The following SKAP1 variants were observed in gnomAD, a reference collection of about 807,000 sequenced individuals.
SKAP1 encodes the protein src kinase associated phosphoprotein 1, also known as src kinase-associated phosphoprotein 1.
SKAP1 carries 44 observed loss-of-function variants against 58.5 expected under a neutral mutation model. That is an observed-to-expected ratio of 0.75 (90% CI 0.59 to 0.97). The LOEUF (loss-of-function observed/expected upper bound fraction) is 0.97. Ranked by LOEUF, SKAP1 falls within the 50% of genes least tolerant of loss-of-function variation. SKAP1 has a pLI of 0.00. For synonymous variants in SKAP1, 127 were observed against 149.7 expected (o/e 0.85, Z 1.11); for missense variants, 390 against 435.2 (o/e 0.90, Z 0.92).
At chr17:48,276,556 T>C (rs116571948) in intron 4 of SKAP1, among the ~76,000 whole-genome samples, 67 of 152,342 alleles carry the variant, frequency 4.4e-4, no homozygotes, top group African/African-American at 1.5e-3. Context: ...GTGATGCTGC[T>C]ATAATGATGA....
intron 1 of SKAP1, among the ~76,000 whole-genome samples, chr17:48,398,982 C>T (rs888947417): frequency 1.3e-5 from 2 of 152,152 alleles, no homozygotes; most frequent in Non-Finnish European, 2.9e-5. Flanking sequence ...GATTGCATCA[C>T]TGCACTACAG....
chr17:48,209,270 A>T (rs946705930), intron 4 of SKAP1, among the ~76,000 whole-genome samples: 2 of 152,296 alleles, frequency 1.3e-5, no homozygotes, highest in South Asian at 4.1e-4. Flanking sequence ...TTATACATTT[A>T]TGTGGGGCTT....
At chr17:48,415,200 G>T (rs1016647465) in intron 1 of SKAP1, among the ~76,000 whole-genome samples, 3 of 152,090 alleles carry the variant, frequency 2.0e-5, no homozygotes, top group African/African-American at 7.2e-5. Context: ...TTTCGTAAAA[G>T]TATTTGAACT....
At chr17:48,139,114 C>T (rs369402741) in intron 11 of SKAP1, among the ~76,000 whole-genome samples, 41 of 150,598 alleles carry the variant, frequency 2.7e-4, no homozygotes, top group East Asian at 2.2e-3. Flanking sequence ...TTCCCGACTT[C>T]GTGATCTGCT....
intron 3 of SKAP1, among the ~76,000 whole-genome samples, chr17:48,353,853 G>A (rs1487859653): frequency 6.7e-5 from 10 of 148,698 alleles, no homozygotes; most frequent in Non-Finnish European, 1.2e-4. Context: ...AGCCGAGATC[G>A]CGCCATTGCA....
chr17:48,322,485 T>C (rs1206549224), intron 4 of SKAP1, among the ~76,000 whole-genome samples: 1 of 152,150 alleles, frequency 6.6e-6, no homozygotes, highest in Admixed American at 6.5e-5. Context: ...TGGATATTTA[T>C]GTTCTTCTAG....
At chr17:48,344,556 T>A (rs1035160578) in intron 4 of SKAP1, among the ~76,000 whole-genome samples, 18 of 152,224 alleles carry the variant, frequency 1.2e-4, no homozygotes, top group Non-Finnish European at 2.6e-4. Context: ...ATTAGAATAA[T>A]CAAAAACAAA....
intron 4 of SKAP1, among the ~76,000 whole-genome samples, chr17:48,222,899 A>G (rs1424745855): frequency 1.3e-5 from 2 of 150,760 alleles, no homozygotes; most frequent in African/African-American, 4.9e-5. Flanking sequence ...CCCCATCTCT[A>G]CTAAAAATAC....
At chr17:48,182,280 T>A in intron 8 of SKAP1, 114 bp downstream of exon 8, 1 of 707,482 alleles carries the variant, frequency 1.4e-6, no homozygotes, top group Non-Finnish European at 2.5e-6. Flanking sequence ...GTAGGAAAGG[T>A]AGAGGTGAGA....
chr17:48,443,229 G>A, the SKAP1 span, among the ~76,000 whole-genome samples: 1 of 152,134 alleles, frequency 6.6e-6, no homozygotes, highest in East Asian at 1.9e-4. Context: ...TTTAGCACCT[G>A]CTATTCAAAA....
chr17:48,161,615 T>A (rs1047347732), intron 11 of SKAP1, among the ~76,000 whole-genome samples: 2 of 152,228 alleles, frequency 1.3e-5, no homozygotes. Flanking sequence ...TGTAAGATGG[T>A]TAGCTGGAAC....
chr17:48,362,321 C>T (rs1266512991), intron 3 of SKAP1, among the ~76,000 whole-genome samples: 1 of 152,192 alleles, frequency 6.6e-6, no homozygotes, highest in Non-Finnish European at 1.5e-5. Flanking sequence ...ATTATTTTCT[C>T]TTCTCAACCT....
intron 9 of SKAP1, among the ~76,000 whole-genome samples, chr17:48,173,888 C>T (rs17681361): frequency 0.015 from 2,349 of 152,282 alleles, 22 homozygotes; most frequent in South Asian, 0.031. Flanking sequence ...CGGCCACTGA[C>T]GAGACATAAC....
chr17:48,403,609 C>T (rs986614885), intron 1 of SKAP1, among the ~76,000 whole-genome samples: 5 of 151,940 alleles, frequency 3.3e-5, no homozygotes, highest in African/African-American at 1.2e-4. Context: ...GGCCTTGCTA[C>T]AAAATAAGCA....
At chr17:48,335,508 C>T (rs1052545856) in intron 4 of SKAP1, among the ~76,000 whole-genome samples, 5 of 152,002 alleles carry the variant, frequency 3.3e-5, no homozygotes, top group Non-Finnish European at 5.9e-5. Flanking sequence ...GACATTTGCA[C>T]ACCAGTTCAG....
At chr17:48,369,687 C>T (rs1483251632) in intron 2 of SKAP1, among the ~76,000 whole-genome samples, 2 of 152,028 alleles carry the variant, frequency 1.3e-5, no homozygotes, top group Non-Finnish European at 2.9e-5. Flanking sequence ...TACATTAACC[C>T]ATTTCCTCAC....
intron 1 of SKAP1, among the ~76,000 whole-genome samples, chr17:48,405,450 T>TTTCTTTCCTTTC (rs1441641292): frequency 0.024 from 2,297 of 94,062 alleles, 70 homozygotes; most frequent in Middle Eastern, 0.075. Context: ...TCTTTCTTTC[T>TTTCTTTCCTTTC]TTTCTTTCTT....
chr17:48,191,010 T>C (rs1003287362), intron 4 of SKAP1, among the ~76,000 whole-genome samples: 1 of 152,126 alleles, frequency 6.6e-6, no homozygotes, highest in Non-Finnish European at 1.5e-5. Context: ...AAAAAAAGTA[T>C]GCGAAAGAAT....
chr17:48,419,114 A>AGAGAGAGGGAGG (rs1271399330), intron 1 of SKAP1, among the ~76,000 whole-genome samples: 1 of 152,088 alleles, frequency 6.6e-6, no homozygotes, highest in Non-Finnish European at 1.5e-5. Flanking sequence ...GAAGAAAAGA[A>AGAGAGAGGGAGG]GAGAGAGGGA....
Sources: allele counts gnomAD v4.1 joint callset (sites outside exome capture counted in the v4.1 genomes callset), GRCh38; gene constraint gnomAD v4.1.1; transcripts MANE v1.5; gene names NCBI Gene and HGNC (gene_info 2026-07-23, HGNC 2026-07-21).